SEMA4D: variants seen among roughly 807,000 people sequenced by gnomAD.
SEMA4D encodes the protein semaphorin 4D, also known as semaphorin-4D.
Under a neutral mutation model 74.8 loss-of-function variants are expected in SEMA4D, and 22 were observed. That is an observed-to-expected ratio of 0.29 (90% CI 0.21 to 0.42). SEMA4D has a LOEUF of 0.42. Among genes scored for constraint, SEMA4D ranks in the 10% least tolerant of loss-of-function variants. The pLI, the probability that SEMA4D is intolerant of heterozygous loss-of-function variation, is 1.00. For missense variants in SEMA4D, 937 were observed against 1,118.4 expected, an observed-to-expected ratio of 0.84 and a Z score of 2.31; for synonymous variants, 445 against 463.7, an observed-to-expected ratio of 0.96 and a Z score of 0.52.
intron 9 of SEMA4D, 54 bp from the exon 10 acceptor site, chr9:89,389,101 A>G (rs2133106945): frequency 1.3e-6 from 2 of 1,593,574 alleles, no homozygotes; most frequent in Non-Finnish European, 8.6e-7. Flanking sequence ...CCTGTGAGCA[A>G]GCACTAAGGT....
At chr9:89,435,548 C>T (rs1850204257) in intron 2 of SEMA4D, among the ~76,000 whole-genome samples, 1 of 152,174 alleles carries the variant, frequency 6.6e-6, no homozygotes, top group Admixed American at 6.5e-5. Flanking sequence ...CCAGGGCTCT[C>T]TGACTTTCAC....
At chr9:89,410,357 T>G (rs1183000081) in intron 2 of SEMA4D, among the ~76,000 whole-genome samples, 1 of 152,232 alleles carries the variant, frequency 6.6e-6, no homozygotes, top group Non-Finnish European at 1.5e-5. Context: ...TATTTAATTT[T>G]TAACAGTGGC....
Position 89,484,802 on chromosome 9 carries a change from T to C in SEMA4D, c.-310+13117A>G, listed in dbSNP as rs963772908. Reference sequence around the variant, plus strand: ...TGTGTGGTGTGGTGTGTGGATGTATTGTGTGGTGGGTGTGTGGTGTGTGGA... The same window carrying C: ...TGTGTGGTGTGGTGTGTGGATGTATCGTGTGGTGGGTGTGTGGTGTGTGGA... On this transcript the variant is annotated intron_variant, in intron 1 of 15. Transcript: ENST00000422704. This position sits in a 1 kb window ranked among gnomAD's most constrained non-coding sequence, Gnocchi z 4.1. Among the ~76,000 whole-genome samples the C allele has an allele frequency of 1.1e-4, 16 of 149,366 alleles. No individual in the cohort carries two copies. The highest frequency in any genetic ancestry group is 4.0e-4 in the African/African-American group (16 of 40,422).
intron 2 of SEMA4D, among the ~76,000 whole-genome samples, chr9:89,432,093 C>T (rs978922772): frequency 6.6e-6 from 1 of 152,052 alleles, no homozygotes; most frequent in East Asian, 1.9e-4. Context: ...GGTGGCCCAG[C>T]TGCACCCTCT....
rs74844458 is a variant in SEMA4D, at chr9:89,388,786, G to A, written c.957C>T (p.Asn319=). ...AGGCGCACACTGCCGACAGCCCCAC[G>A]TTGTTCCTGGGGAGGGGAAAGAGGT... The part of the protein sequence containing the change: ...FYALFTPQLN[N]VGLSAVCAYN... Residue 319 remains asparagine, a synonymous_variant, in exon 11 of 16, where the codon AAC becomes AAT. Transcript: ENST00000422704. The A allele has an allele frequency of 8.7e-6, 14 of 1,605,760 alleles. No homozygotes were observed. The highest frequency in any genetic ancestry group is 3.4e-5 in the Admixed American group (2 of 59,580).
chr9:89,362,507 G>T, intron 18 of SEMA4D: 3 of 1,613,104 alleles, frequency 1.9e-6, no homozygotes, highest in Non-Finnish European at 2.5e-6. Flanking sequence ...CTGTCTCATA[G>T]CCCATCCCAG....
intron 16 of SEMA4D, among the ~76,000 whole-genome samples, chr9:89,369,929 G>C (rs1564492824): frequency 6.6e-6 from 1 of 151,766 alleles, no homozygotes; most frequent in Non-Finnish European, 1.5e-5. Context: ...TGGGTAGCGT[G>C]CATGTGTCTA....
intron 1 of SEMA4D, among the ~76,000 whole-genome samples, chr9:89,485,809 A>G (rs58602251): frequency 4.5e-4 from 47 of 103,864 alleles, no homozygotes; most frequent in African/African-American, 8.6e-4. Flanking sequence ...AAAAAAAAAA[A>G]AAAAAGAAAA....
rs569646010 is a variant in SEMA4D at position 89,413,461 on chromosome 9, T to C, written c.-243-7762A>G. 2.7e-3 allele frequency among the ~76,000 whole-genome samples: 407 copies of C among 152,392 alleles called. 2 individuals are homozygous for C. The highest frequency in any genetic ancestry group is 4.7e-3 in the Non-Finnish European group (319 of 68,040). ...ATGTGGACACATGTACATCTGTGTG[T>C]ATGCATCTGTGTATGTGCACGCATG... On this transcript the variant is annotated intron_variant, in intron 2 of 15. Coordinates refer to ENST00000422704, the MANE Select transcript of SEMA4D (RefSeq NM_001371194.2).
At chr9:89,385,665 C>T (rs1564562445) in intron 13 of SEMA4D, 1 of 736,538 alleles carries the variant, frequency 1.4e-6, no homozygotes, top group East Asian at 1.3e-4. Context: ...GGGAAGAGGA[C>T]AGAAGACCTG....
intron 1 of SEMA4D, among the ~76,000 whole-genome samples, chr9:89,461,700 C>CTCTCTCTTTTTTTTTT (rs71281350): frequency 5.3e-4 from 55 of 103,662 alleles, no homozygotes; most frequent in African/African-American, 1.3e-3. Flanking sequence ...TCTTTTTTCT[C>CTCTCTCTTTTTTTTTT]TTTTTTTTTT....
At chr9:89,395,058 T>C (rs749490412) in intron 6 of SEMA4D, among the ~76,000 whole-genome samples, 1 of 152,120 alleles carries the variant, frequency 6.6e-6, no homozygotes. Context: ...ACACTCCCAA[T>C]TGTGCAATCT....
chr9:89,495,570 C>G (rs1825942295), intron 1 of SEMA4D, among the ~76,000 whole-genome samples: 2 of 152,226 alleles, frequency 1.3e-5, no homozygotes, highest in South Asian at 4.1e-4. Context: ...TTCTCACCTT[C>G]TAGTCTTCTT....
At chr9:89,389,127 C>A (rs1049736596) in intron 9 of SEMA4D, 80 bp from the exon 10 acceptor site, 1 of 1,470,772 alleles carries the variant, frequency 6.8e-7, no homozygotes, top group Non-Finnish European at 9.5e-7. Flanking sequence ...GTGCACCCCT[C>A]CATGGCCCAG....
intron 1 of SEMA4D, among the ~76,000 whole-genome samples, chr9:89,461,250 G>C (rs1364136815): frequency 1.3e-5 from 2 of 152,174 alleles, no homozygotes; most frequent in Admixed American, 6.5e-5. Flanking sequence ...GACTTTTCTA[G>C]CAAGCAGCAT....
chr9:89,450,437 G>A, intron 2 of SEMA4D: 3 of 1,392,460 alleles, frequency 2.2e-6, no homozygotes, highest in Non-Finnish European at 3.1e-6. Flanking sequence ...GGATGGGTGT[G>A]GTGGAGTGCG....
intron 6 of SEMA4D, among the ~76,000 whole-genome samples, chr9:89,394,779 T>C (rs891435918): frequency 7.2e-5 from 11 of 152,240 alleles, no homozygotes; most frequent in African/African-American, 2.4e-5. Flanking sequence ...CCACTGGATG[T>C]GACCATTTAG....
chr9:89,381,627 T>C lies in SEMA4D; in HGVS notation c.1447-281A>G, dbSNP rs777653611. The C allele has an allele frequency of 3.1e-5, 10 of 324,786 alleles. No individual in the cohort carries two copies. The highest frequency in any genetic ancestry group is 4.5e-5 in the Non-Finnish European group (8 of 176,716). 20.1% of individuals were successfully genotyped at this position (324,786 alleles called of 1,614,324 possible). A position where few individuals can be genotyped will look rare whatever the true frequency, so the allele number is the denominator to read the frequency against. Reference sequence around the variant, plus strand: ...CCTGCCCTCCAGCAAAGCGCTTCTCTGCACGTGTTTCTCTTAGCCAGTGGG... The same window carrying C: ...CCTGCCCTCCAGCAAAGCGCTTCTCCGCACGTGTTTCTCTTAGCCAGTGGG... On this transcript the variant is annotated intron_variant, in intron 13 of 15. Transcript: ENST00000422704. The surrounding 1 kb of genome is among the most constrained non-coding windows in gnomAD (Gnocchi z 4.6).
At chr9:89,435,511 T>C (rs1348160334) in intron 2 of SEMA4D, among the ~76,000 whole-genome samples, 1 of 152,032 alleles carries the variant, frequency 6.6e-6, no homozygotes, top group Non-Finnish European at 1.5e-5. Context: ...CCTCCTCCTT[T>C]CCCCAACTCA....
Sources: allele counts gnomAD v4.1 joint callset (sites outside exome capture counted in the v4.1 genomes callset), GRCh38; gene constraint gnomAD v4.1.1; non-coding constraint Gnocchi (gnomAD v3.1); transcripts MANE v1.5; gene names NCBI Gene and HGNC (gene_info 2026-07-23, HGNC 2026-07-21).